The following RNF213 variants were observed in gnomAD, a reference collection of about 807,000 sequenced individuals.
RNF213 encodes ring finger protein 213, also known as E3 ubiquitin-protein ligase RNF213.
RNF213 carries 341 observed loss-of-function variants against 514.4 expected under a neutral mutation model. The observed-to-expected ratio is 0.66, with a 90% CI of 0.61 to 0.73. The LOEUF (loss-of-function observed/expected upper bound fraction) is 0.73, where lower values mean the gene tolerates loss of function less well. Ranked by LOEUF, RNF213 falls within the 30% of genes least tolerant of loss-of-function variation. The probability of loss-of-function intolerance (pLI) is 0.00; values close to 1 mark genes in which losing one functional copy is unlikely to be tolerated. For missense variants in RNF213, 5,767 were observed against 6,615.6 expected (o/e 0.87, Z 4.45); for synonymous variants, 2,655 against 2,658.2 (o/e 1.00, Z 0.04).
intron 15 of RNF213, among the ~76,000 whole-genome samples, chr17:80,313,661 G>A (rs1175286176): frequency 6.6e-6 from 1 of 151,364 alleles, no homozygotes; most frequent in Non-Finnish European, 1.5e-5. Context: ...TTGTGGAGGT[G>A]ATGGTGGAGG....
rs2144666160 is a variant in RNF213, at chr17:80,390,135, A to T, written c.15409A>T (p.Ile5137Leu). Residue 5137 changes from isoleucine to leucine, a missense_variant, in exon 67 of 68, where the codon ATA (isoleucine) becomes TTA (leucine). Physicochemically the swap from Ile to Leu is conservative, Grantham distance 5. Around this residue, in one of 13 missense-constraint regions of RNF213, gnomAD observed 1,245 missense variants for 1,339.0 expected, o/e 0.93. Transcript: ENST00000582970. The stretch of plus-strand genomic sequence containing the variant: ...CTTCCTGCTAGAGCTGCACGAAATG[A>T]TAATCTTGAAACTAAAGAACCCCCA... Reference protein sequence around the residue: ...DAFLLELHEMIILKLKNPQTQ... With the variant: ...DAFLLELHEMLILKLKNPQTQ... 1 of 1,614,200 alleles carries T rather than the reference A, an allele frequency of 6.2e-7. No individual in the cohort carries two copies. The highest frequency in any genetic ancestry group is 2.2e-5 in the East Asian group (1 of 44,884).
In RNF213 at chr17:80,309,053, C is replaced by T; in HGVS notation, c.2537C>T (p.Thr846Ile). The change falls in exon 14 of 68, where the codon ACT becomes ATT. Residue 846 changes from threonine (T) to isoleucine (I), a missense_variant. Around this residue, in one of 13 missense-constraint regions of RNF213, gnomAD observed 592 missense variants for 673.9 expected, o/e 0.88. Coordinates refer to ENST00000582970, the MANE Select transcript of RNF213 (RefSeq NM_001256071.3). ...GAGGCCTTGTCACCATCCTACCTGACTGTGTGTCTGAAACTGCATGAAGCC... is the reference window on the plus strand; with the variant it reads ...GAGGCCTTGTCACCATCCTACCTGATTGTGTGTCTGAAACTGCATGAAGCC... ...PEEALSPSYL[T>I]VCLKLHEAIC... is the part of the protein sequence containing the mutation. The T allele has an allele frequency of 6.2e-7, 1 of 1,614,190 alleles. No homozygotes were observed. Among genetic ancestry groups the T allele is most frequent in the Non-Finnish European group, 8.5e-7 (1 of 1,180,038 alleles).
Position 80,385,630 on chromosome 17 carries a change from C to A in RNF213, c.14539+9C>A. 1 of 1,611,520 alleles carries A rather than the reference C, an allele frequency of 6.2e-7. No individual in the cohort carries two copies. Among genetic ancestry groups the A allele is most frequent in the South Asian group, 1.1e-5 (1 of 91,024 alleles). The stretch of plus-strand genomic sequence containing the variant: ...ATCGCTTGAGACGAACGGTTAGTAT[C>A]CTGTCCCCTGTACCACTAAGCGTTC... On this transcript the variant is annotated intron_variant, in intron 61 of 67. Transcript: ENST00000582970.
intron 18 of RNF213, among the ~76,000 whole-genome samples, chr17:80,325,920 T>C (rs2046268038): frequency 6.7e-6 from 1 of 150,320 alleles, no homozygotes; most frequent in African/African-American, 2.5e-5. Flanking sequence ...CTTGAAAAGA[T>C]CATTTTTGTG....
chr17:80,368,804 GCT>G (rs1206142492), intron 44 of RNF213, among the ~76,000 whole-genome samples: 1 of 152,122 alleles, frequency 6.6e-6, no homozygotes, highest in East Asian at 1.9e-4. Context: ...TTCTTGTCTA[GCT>G]TTTTGGAGCT....
At chr17:80,311,344 G>A (rs868622795) in intron 14 of RNF213, among the ~76,000 whole-genome samples, 5 of 152,180 alleles carry the variant, frequency 3.3e-5, no homozygotes, top group African/African-American at 4.8e-5. Context: ...GTCAGGCTCC[G>A]GAGGTCTGTG....
Position 80,377,821 on chromosome 17 carries a change from G to C in RNF213, c.13545+25G>C. The stretch of plus-strand genomic sequence containing the variant: ...GGTGAGTCTTGGTATTTAAGATAGG[G>C]TTTGAGGGGTGGCGTGCACTCCTGG... On this transcript the variant is annotated intron_variant, in intron 54 of 67. Coordinates refer to ENST00000582970, the MANE Select transcript of RNF213 (RefSeq NM_001256071.3). The surrounding 1 kb of genome is among the most constrained non-coding windows in gnomAD (Gnocchi z 4.1). 1 of 1,614,010 alleles carries C rather than the reference G, an allele frequency of 6.2e-7. No individual in the cohort carries two copies. Among genetic ancestry groups the C allele is most frequent in the Non-Finnish European group, 8.5e-7 (1 of 1,179,870 alleles).
intron 38 of RNF213, chr17:80,360,454 G>A: frequency 3.8e-6 from 2 of 524,810 alleles, no homozygotes; most frequent in South Asian, 4.0e-5. Flanking sequence ...CCTGTGAGAT[G>A]GTTTTTAGTG....
In RNF213 at chr17:80,350,382, C is replaced by T; in HGVS notation, c.10170C>T (p.Leu3390=). The T allele has an allele frequency of 6.2e-7, 1 of 1,604,070 alleles. No homozygotes were observed. Among genetic ancestry groups the T allele is most frequent in the Non-Finnish European group, 8.5e-7 (1 of 1,170,884 alleles). Residue 3390 remains leucine (L), a synonymous_variant, in exon 31 of 68, where the codon CTC becomes CTT. Coordinates refer to ENST00000582970, the MANE Select transcript of RNF213 (RefSeq NM_001256071.3). ...AAGATGGAATCCGTAGCGCCCAGCT[C>T]ATTGCCTCAGCTAAGTATGTTTTTA... is the stretch of plus-strand genomic sequence containing the variant. The part of the protein sequence containing the change: ...DFEDGIRSAQ[L]IASAKYSVIN...
rs1315897785 is a variant in RNF213 at position 80,398,673 on chromosome 17, CAGAG to C, written c.*5181_*5184del. ...GCTGGCAGAGGCAAGGAAAGACCAG[CAGAG>C]AGAGAAAGAGGAAGAGACAGACAAA... On this transcript the variant is annotated 3_prime_UTR_variant, in exon 68 of 68. Transcript: ENST00000582970. 3.0e-5 allele frequency: 4 copies of C among 131,536 alleles called. No individual in the cohort carries two copies. The highest frequency in any genetic ancestry group is 4.6e-5 in the Non-Finnish European group (3 of 64,666). 8.1% of individuals were successfully genotyped at this position (131,536 alleles called of 1,614,324 possible).
At chr17:80,287,485 G>C (rs565871980) in intron 3 of RNF213, among the ~76,000 whole-genome samples, 2 of 152,310 alleles carry the variant, frequency 1.3e-5, no homozygotes, top group South Asian at 4.1e-4. Flanking sequence ...CTGGGCGACA[G>C]AGGGAGACCT....
chr17:80,360,105 A>C lies in RNF213; in HGVS notation c.11099A>C (p.Asn3700Thr). Residue 3700 changes from asparagine to threonine, a missense_variant, in exon 38 of 68, where the codon AAC becomes ACC. Transcript: ENST00000582970. ...TACATCGTGGTGCAGAACCACATGAACCTTTCCGAGAACGCTTCCAACAAC... is the reference window on the plus strand; with the variant it reads ...TACATCGTGGTGCAGAACCACATGACCCTTTCCGAGAACGCTTCCAACAAC... ...MAYIVVQNHM[N>T]LSENASNNVP... 2 of 1,614,202 alleles carry C rather than the reference A, an allele frequency of 1.2e-6. No homozygotes were observed. Among genetic ancestry groups the C allele is most frequent in the Non-Finnish European group, 8.5e-7 (1 of 1,180,028 alleles).
Position 80,295,722 on chromosome 17 carries a change from C to G in RNF213, c.1921C>G (p.Leu641Val), listed in dbSNP as rs2044916299. ...EKIELLLEGS[L>V]DWLCHLLTSD... is the part of the protein sequence containing the mutation. Reference sequence around the variant, plus strand: ...AATTGAGCTTTTATTAGAAGGCAGCCTGGACTGGTTGTGTCACCTCCTAAC... The same window carrying G: ...AATTGAGCTTTTATTAGAAGGCAGCGTGGACTGGTTGTGTCACCTCCTAAC... Residue 641 changes from leucine (L) to valine (V), a missense_variant, in exon 10 of 68, where the codon CTG (leucine) becomes GTG (valine). Around this residue, in one of 13 missense-constraint regions of RNF213, gnomAD observed 592 missense variants for 673.9 expected, o/e 0.88. Coordinates refer to ENST00000582970, the MANE Select transcript of RNF213 (RefSeq NM_001256071.3). The G allele has an allele frequency of 6.2e-7, 1 of 1,614,212 alleles. No individual in the cohort carries two copies. The highest frequency in any genetic ancestry group is 8.5e-7 in the Non-Finnish European group (1 of 1,180,036).
In RNF213 at chr17:80,301,847, G is replaced by A. The variant is rs1039507723; in HGVS notation, c.2210+3329G>A. 8.5e-5 allele frequency among the ~76,000 whole-genome samples: 13 copies of A among 152,266 alleles called. No individual in the cohort carries two copies. The East Asian group carries it at 1.7e-3, about 20-fold the overall frequency. ...AGATAGCTGCACTCCTATATTTATC[G>A]TAACACTCAATAGCCATAATATGGA... On this transcript the variant is annotated intron_variant, in intron 11 of 67. Transcript: ENST00000582970.
Position 80,388,781 on chromosome 17 carries a change from G to C in RNF213, c.15000+92G>C, listed in dbSNP as rs531263995. 2.3e-5 allele frequency: 23 copies of C among 1,004,492 alleles called. No homozygotes were observed. In the South Asian group the frequency reaches 2.7e-4, roughly 12 times the overall value. 62.2% of individuals were successfully genotyped at this position (1,004,492 alleles called of 1,614,324 possible). On this transcript the variant is annotated intron_variant, in intron 64 of 67. Transcript: ENST00000582970. Reference sequence around the variant, plus strand: ...TAGGCCTACTCCAGCCTTGCCCCGGGTGTTTGCTGTGAGCCCACAGTTTCT... The same window carrying C: ...TAGGCCTACTCCAGCCTTGCCCCGGCTGTTTGCTGTGAGCCCACAGTTTCT...
intron 21 of RNF213, among the ~76,000 whole-genome samples, chr17:80,333,174 A>G (rs1409079154): frequency 2.0e-5 from 3 of 149,618 alleles, no homozygotes; most frequent in Non-Finnish European, 4.4e-5. Context: ...TCAGCCTCCC[A>G]AGTAGCTGGG....
At chr17:80,372,212 G>A (rs1480671291) in intron 47 of RNF213, among the ~76,000 whole-genome samples, 1 of 152,204 alleles carries the variant, frequency 6.6e-6, no homozygotes, top group Non-Finnish European at 1.5e-5. Context: ...TACTGCCAAA[G>A]TTAACAGTGG....
chr17:80,262,870 C>T (rs1218993031), intron 1 of RNF213, among the ~76,000 whole-genome samples: 2 of 152,160 alleles, frequency 1.3e-5, no homozygotes, highest in Non-Finnish European at 2.9e-5. Context: ...CTGCTGAAGG[C>T]ACCAGTCAGC....
rs1049597376 is a variant in RNF213, at chr17:80,264,211, G to A, written c.97+433G>A. ...CTTCCCCTTGGGAATGAGAAGTGTC[G>A]GGCTGAGCTGAGGGCTTCATAGAGA... On this transcript the variant is annotated intron_variant, in intron 2 of 67. Coordinates refer to ENST00000582970, the MANE Select transcript of RNF213 (RefSeq NM_001256071.3). The surrounding 1 kb of genome is among the most constrained non-coding windows in gnomAD (Gnocchi z 5.0). 2.0e-5 allele frequency among the ~76,000 whole-genome samples: 3 copies of A among 152,182 alleles called. No homozygotes were observed. The highest frequency in any genetic ancestry group is 4.8e-5 in the African/African-American group (2 of 41,438).
Sources: allele counts gnomAD v4.1 joint callset (sites outside exome capture counted in the v4.1 genomes callset), GRCh38; gene constraint gnomAD v4.1.1; regional missense constraint gnomAD v4.1.1; non-coding constraint Gnocchi (gnomAD v3.1); transcripts MANE v1.5; gene names NCBI Gene and HGNC (gene_info 2026-07-23, HGNC 2026-07-21).